The following SRRM2 variants were observed in gnomAD, a reference collection of about 807,000 sequenced individuals.
SRRM2 encodes the protein serine/arginine repetitive matrix protein 2.
Under a neutral mutation model 213.8 loss-of-function variants are expected in SRRM2, and 30 were observed. The ratio of observed to expected loss-of-function variants is 0.14; its 90% CI spans 0.10 to 0.19. The LOEUF is 0.19. Ranked by LOEUF, SRRM2 falls within the 10% of genes least tolerant of loss-of-function variation. SRRM2 has a pLI of 1.00. For synonymous variants in SRRM2, 2,025 were observed against 1,377.7 expected (o/e 1.47, Z -10.40); for missense variants, 4,904 against 3,647.0 (o/e 1.34, Z -8.88).
Position 2,763,426 on chromosome 16 carries a change from A to T in SRRM2, c.2898A>T (p.Arg966Ser). 1.2e-6 allele frequency: 2 copies of T among 1,614,226 alleles called. No homozygotes were observed. Among genetic ancestry groups the T allele is most frequent in the Non-Finnish European group, 1.7e-6 (2 of 1,180,034 alleles). The change falls in exon 11 of 15, where the codon AGA (arginine) becomes AGT (serine). Residue 966 changes from arginine (R) to serine (S), a missense_variant. By Grantham distance (110) the Arg-to-Ser change is moderately radical. Transcript: ENST00000301740. ...CSNVESRLLP[R>S]YSHSGSSSPD... ...ATGTGGAATCCAGATTGTTGCCAAG[A>T]TACAGTCATTCTGGGTCCTCCTCAC...
chr16:2,758,614 A>T (rs2068233018), intron 5 of SRRM2, 67 bp downstream of exon 5: 8 of 1,481,478 alleles, frequency 5.4e-6, no homozygotes, highest in Non-Finnish European at 7.5e-6. Flanking sequence ...TTCTCTCTGG[A>T]AGTGGACAGT....
Position 2,762,968 on chromosome 16 carries a change from C to T in SRRM2, c.2440C>T (p.Arg814Cys), listed in dbSNP as rs746839914. Residue 814 changes from arginine (R) to cysteine (C), a missense_variant, in exon 11 of 15, where the codon CGC becomes TGC. By Grantham distance (180) the Arg-to-Cys change is radical. Coordinates refer to ENST00000301740, the MANE Select transcript of SRRM2 (RefSeq NM_016333.4). ...PKAKSRTPPR[R>C]SRSSSSPPPK... ...AGCTAAATCTAGAACGCCACCCAGA[C>T]GCAGTCGCTCCAGTTCTTCTCCGCC... 30 of 1,614,024 alleles carry T rather than the reference C, an allele frequency of 1.9e-5. No individual in the cohort carries two copies. In the South Asian group the frequency reaches 2.3e-4, roughly 12 times the overall value.
chr16:2,770,081 A>G (rs1596297197), intron 12 of SRRM2: 3 of 1,286,134 alleles, frequency 2.3e-6, no homozygotes, highest in East Asian at 5.7e-5. Flanking sequence ...CTTCCCACAC[A>G]CGGGGCCGTG....
chr16:2,768,809 C>T (rs2068632868), intron 11 of SRRM2, 188 bp from the exon 12 acceptor site: 17 of 1,176,678 alleles, frequency 1.4e-5, no homozygotes, highest in African/African-American at 1.2e-4. Flanking sequence ...CAGCCTGTTG[C>T]TTCTGTTAGC....
In SRRM2 at chr16:2,765,806, G is replaced by C. The variant is rs1445422044; in HGVS notation, c.5278G>C (p.Gly1760Arg). 1 of 1,614,110 alleles carries C rather than the reference G, an allele frequency of 6.2e-7. No individual in the cohort carries two copies. The highest frequency in any genetic ancestry group is 2.2e-5 in the East Asian group (1 of 44,872). Reference protein sequence around the residue: ...SPRTKTTSRRGRSPSPKPRGL... With the variant: ...SPRTKTTSRRRRSPSPKPRGL... ...ACGCACTAAGACAACCTCAAGGAGA[G>C]GCCGCTCTCCTTCGCCAAAGCCTCG... Residue 1760 changes from glycine (G) to arginine (R), a missense_variant, in exon 11 of 15, where the codon GGC (glycine) becomes CGC (arginine). Coordinates refer to ENST00000301740, the MANE Select transcript of SRRM2 (RefSeq NM_016333.4).
At position 2,764,968 on chromosome 16, in the gene SRRM2, T is replaced by C. The variant is rs748512810; in HGVS notation, c.4440T>C (p.Cys1480=). 30 of 1,614,104 alleles carry C rather than the reference T, an allele frequency of 1.9e-5. 2 individuals carry two copies. The South Asian group carries it at 2.0e-4, about 11-fold the overall frequency. ...PRTPSRGRSE[C]DSSPEPKALP... Reference sequence around the variant, plus strand: ...CGCCATCTAGAGGGAGAAGCGAATGTGATTCTTCCCCAGAACCGAAAGCTT... The same window carrying C: ...CGCCATCTAGAGGGAGAAGCGAATGCGATTCTTCCCCAGAACCGAAAGCTT... Residue 1480 remains cysteine (C), a synonymous_variant, in exon 11 of 15, where the codon TGT becomes TGC. Transcript: ENST00000301740.
rs1294111965 is a variant in SRRM2, at chr16:2,765,209, T to C, written c.4681T>C (p.Ser1561Pro). The change falls in exon 11 of 15, where the codon TCT becomes CCT. Residue 1561 changes from serine to proline, a missense_variant. Coordinates refer to ENST00000301740, the MANE Select transcript of SRRM2 (RefSeq NM_016333.4). Reference sequence around the variant, plus strand: ...CCCTCAGGAAAGAAGTGAGTCAGACTCTTCTCCAGATTCTAAAGCCAAGAC... The same window carrying C: ...CCCTCAGGAAAGAAGTGAGTCAGACCCTTCTCCAGATTCTAAAGCCAAGAC... The part of the protein sequence containing the change: ...ASPQERSESD[S>P]SPDSKAKTRT... 6.2e-7 allele frequency: 1 copy of C among 1,614,146 alleles called. No homozygotes were observed. Among genetic ancestry groups the C allele is most frequent in the East Asian group, 2.2e-5 (1 of 44,886 alleles).
rs369033178 is a variant in SRRM2, at chr16:2,768,225, C to T, written c.7697C>T (p.Ser2566Phe). ...TCCAGTTCTAGTGACTCAGAGGGCTCTAGCCTTCCTGTGCAACCTGAGGTG... is the reference window on the plus strand; with the variant it reads ...TCCAGTTCTAGTGACTCAGAGGGCTTTAGCCTTCCTGTGCAACCTGAGGTG... Reference protein sequence around the residue: ...SGSSSSDSEGSSLPVQPEVAL... With the variant: ...SGSSSSDSEGFSLPVQPEVAL... The change falls in exon 11 of 15, where the codon TCT becomes TTT. Residue 2566 changes from serine to phenylalanine, a missense_variant. Ser to Phe is a radical substitution (Grantham distance 155). Coordinates refer to ENST00000301740, the MANE Select transcript of SRRM2 (RefSeq NM_016333.4). The T allele has an allele frequency of 3.2e-6, 5 of 1,578,898 alleles. No homozygotes were observed. In the South Asian group the frequency reaches 4.7e-5, roughly 15 times the overall value.
In SRRM2 at chr16:2,762,653, A is replaced by C. The variant is rs1472951325; in HGVS notation, c.2125A>C (p.Arg709=). 1.9e-6 allele frequency: 3 copies of C among 1,614,040 alleles called. No individual in the cohort carries two copies. Among genetic ancestry groups the C allele is most frequent in the Non-Finnish European group, 2.5e-6 (3 of 1,180,028 alleles). Residue 709 remains arginine (R), a synonymous_variant, in exon 11 of 15, where the codon AGA becomes CGA. Transcript: ENST00000301740. ...AAGATCCCGCAGTAGAAGCTTAGTT[A>C]GACGTGGAAGATCTCACTCTAGAAC... The part of the protein sequence containing the change: ...RGRSRSRSLV[R]RGRSHSRTPQ...
In SRRM2 at chr16:2,767,123, A is replaced by T; in HGVS notation, c.6595A>T (p.Met2199Leu). Residue 2199 changes from methionine (M) to leucine (L), a missense_variant, in exon 11 of 15, where the codon ATG becomes TTG. Coordinates refer to ENST00000301740, the MANE Select transcript of SRRM2 (RefSeq NM_016333.4). Reference protein sequence around the residue: ...SLGTARPPPSMSAAGLAARMS... With the variant: ...SLGTARPPPSLSAAGLAARMS... Reference sequence around the variant, plus strand: ...TGGCACCGCTCGGCCTCCTCCGTCCATGTCTGCTGCTGGCCTTGCTGCAAG... The same window carrying T: ...TGGCACCGCTCGGCCTCCTCCGTCCTTGTCTGCTGCTGGCCTTGCTGCAAG... 1 of 1,614,116 alleles carries T rather than the reference A, an allele frequency of 6.2e-7. No homozygotes were observed.
At position 2,770,453 on chromosome 16, in the gene SRRM2, G is replaced by A. The variant is rs759336536; in HGVS notation, c.8123G>A (p.Arg2708Gln). The part of the protein sequence containing the change: ...RRRPSPQPSP[R>Q]DQQSSSSERG... ...CGTCCCTCGCCCCAGCCCTCACCAC[G>A]GGACCAGCAGAGGTAAGGCCAACTG... Residue 2708 changes from arginine to glutamine, a missense_variant, in exon 13 of 15, where the codon CGG (arginine) becomes CAG (glutamine). Arg to Gln is a conservative substitution (Grantham distance 43, BLOSUM62 1). Coordinates refer to ENST00000301740, the MANE Select transcript of SRRM2 (RefSeq NM_016333.4). 20 of 1,607,364 alleles carry A rather than the reference G, an allele frequency of 1.2e-5. No individual in the cohort carries two copies. Among genetic ancestry groups the A allele is most frequent in the South Asian group, 2.2e-5 (2 of 89,720 alleles).
rs114899013 is a variant in SRRM2, at chr16:2,761,832, G to C, written c.1304G>C (p.Ser435Thr). ...PQPTKVSRHA[S>T]SSPESPKPAP... The stretch of plus-strand genomic sequence containing the variant: ...CCTACCAAAGTTTCTCGGCATGCCA[G>C]CTCTTCCCCAGAAAGTCCTAAACCT... Residue 435 changes from serine to threonine, a missense_variant, in exon 11 of 15, where the codon AGC becomes ACC. By Grantham distance (58) the Ser-to-Thr change is moderately conservative. Coordinates refer to ENST00000301740, the MANE Select transcript of SRRM2 (RefSeq NM_016333.4). 8.5e-4 allele frequency: 1,368 copies of C among 1,613,590 alleles called. 11 individuals carry two copies. In the African/African-American group the frequency reaches 0.015, roughly 18 times the overall value.
rs893845272 is a variant in SRRM2, at chr16:2,766,670, C to G, written c.6142C>G (p.Leu2048Val). 11 of 1,614,068 alleles carry G rather than the reference C, an allele frequency of 6.8e-6. No individual in the cohort carries two copies. The highest frequency in any genetic ancestry group is 5.3e-5 in the African/African-American group (4 of 74,920). ...CAAACGTTCTCGAAGTCGCTCACCA[C>G]TTGCTATCCGCCGCCGCTCCAGATC... The part of the protein sequence containing the change: ...PRKRSRSRSP[L>V]AIRRRSRSRT... The change falls in exon 11 of 15, where the codon CTT becomes GTT. Residue 2048 changes from leucine (L) to valine (V), a missense_variant. By Grantham distance (32) the Leu-to-Val change is conservative (BLOSUM62 1). Coordinates refer to ENST00000301740, the MANE Select transcript of SRRM2 (RefSeq NM_016333.4). The surrounding 1 kb of genome is among the most constrained non-coding windows in gnomAD (Gnocchi z 7.0).
chr16:2,754,537 ACCTCGGCCT>A (rs2068073899), intron 1 of SRRM2, among the ~76,000 whole-genome samples: 1 of 152,032 alleles, frequency 6.6e-6, no homozygotes, highest in Admixed American at 6.6e-5. Context: ...TGATCCGCCC[ACCTCGGCCT>A]CCCAAAGTGC....
Position 2,764,348 on chromosome 16 carries a change from G to T in SRRM2, c.3820G>T (p.Val1274Leu), listed in dbSNP as rs1368854247. The change falls in exon 11 of 15, where the codon GTA (valine) becomes TTA (leucine). Residue 1274 changes from valine to leucine, a missense_variant. Physicochemically the swap from Val to Leu is conservative, Grantham distance 32. Coordinates refer to ENST00000301740, the MANE Select transcript of SRRM2 (RefSeq NM_016333.4). ...STSNFESSPE[V>L]EERPAVSLTL... ...AAGTAACTTTGAATCATCTCCTGAA[G>T]TAGAAGAAAGGCCTGCTGTGTCTTT... 6.2e-7 allele frequency: 1 copy of T among 1,614,194 alleles called. No homozygotes were observed. The highest frequency in any genetic ancestry group is 8.5e-7 in the Non-Finnish European group (1 of 1,180,042).
intron 12 of SRRM2, chr16:2,770,002 C>T (rs1050617093): frequency 1.8e-6 from 1 of 554,982 alleles, no homozygotes; most frequent in South Asian, 1.9e-5. Context: ...GAAGACTGCC[C>T]TGCCCCTTCC....
intron 12 of SRRM2, 166 bp from the exon 13 acceptor site, chr16:2,770,186 G>C: frequency 1.4e-6 from 2 of 1,444,610 alleles, no homozygotes; most frequent in African/African-American, 1.4e-5. Flanking sequence ...CTGGGCACTC[G>C]GTGGATGGTG....
At position 2,763,509 on chromosome 16, in the gene SRRM2, C is replaced by T. The variant is rs991416112; in HGVS notation, c.2981C>T (p.Ser994Leu). The change falls in exon 11 of 15, where the codon TCA becomes TTA. Residue 994 changes from serine to leucine, a missense_variant. By Grantham distance (145) the Ser-to-Leu change is moderately radical (BLOSUM62 -2). Coordinates refer to ENST00000301740, the MANE Select transcript of SRRM2 (RefSeq NM_016333.4). ...AGACAAAGTCACTCAGGGTCTATTT[C>T]ACCATACCCCAAAGTAAAGGCCCAA... ...PPRQSHSGSI[S>L]PYPKVKAQTP... 1 of 1,614,164 alleles carries T rather than the reference C, an allele frequency of 6.2e-7. No homozygotes were observed. Among genetic ancestry groups the T allele is most frequent in the Non-Finnish European group, 8.5e-7 (1 of 1,180,020 alleles).
Position 2,771,052 on chromosome 16 carries a change from GA to G in SRRM2, c.*186del. The G allele has an allele frequency of 2.2e-6, 1 of 462,934 alleles. No individual in the cohort carries two copies. Among genetic ancestry groups the G allele is most frequent in the East Asian group, 4.8e-5 (1 of 20,728 alleles). The allele number at this position is 462,934 out of a possible 1,614,324, so 28.7% of individuals were successfully genotyped here. ...GTTCCTGTGAAATGTTAATCTCCGTGAGTTCTTCCTGGTTCATGTGTTCTGG... is the reference window on the plus strand; with the variant it reads ...GTTCCTGTGAAATGTTAATCTCCGTGGTTCTTCCTGGTTCATGTGTTCTGG... On this transcript the variant is annotated 3_prime_UTR_variant, in exon 15 of 15. Coordinates refer to ENST00000301740, the MANE Select transcript of SRRM2 (RefSeq NM_016333.4).
Sources: allele counts gnomAD v4.1 joint callset (sites outside exome capture counted in the v4.1 genomes callset), GRCh38; gene constraint gnomAD v4.1.1; non-coding constraint Gnocchi (gnomAD v3.1); transcripts MANE v1.5; gene names NCBI Gene and HGNC (gene_info 2026-07-23, HGNC 2026-07-21).